Variants in ZDHHC15 observed in about 807,000 individuals in gnomAD.
ZDHHC15 encodes palmitoyltransferase ZDHHC15.
A neutral mutation model predicts 31.7 loss-of-function variants in ZDHHC15; 19 were observed. That is an observed-to-expected ratio of 0.60 (90% CI 0.42 to 0.88). The LOEUF (loss-of-function observed/expected upper bound fraction) is 0.88, where lower values mean the gene tolerates loss of function less well. Among genes scored for constraint, ZDHHC15 ranks in the 40% least tolerant of loss-of-function variants. The probability of loss-of-function intolerance (pLI) is 0.00; values close to 1 mark genes in which losing one functional copy is unlikely to be tolerated. For missense variants in ZDHHC15, 209 were observed against 251.2 expected (o/e 0.83, Z 1.14); for synonymous variants, 103 against 90.0 (o/e 1.14, Z -0.82).
intron 3 of ZDHHC15, 140 bp from the exon 4 acceptor site, chrX:75,451,062 C>G (rs1348136371): frequency 1.4e-6 from 1 of 700,847 alleles, no homozygotes; most frequent in East Asian, 3.7e-5. Context: ...ATAATGTTCT[C>G]TGGATAATTA....
intron 1 of ZDHHC15, among the ~76,000 whole-genome samples, chrX:75,515,119 G>C (rs1468676297): frequency 9.0e-6 from 1 of 111,025 alleles, no homozygotes; most frequent in Non-Finnish European, 1.9e-5. Context: ...GGACCAGATG[G>C]ATTCATACCC....
At chrX:75,516,193 C>T (rs1325400156) in intron 1 of ZDHHC15, among the ~76,000 whole-genome samples, 5 of 111,794 alleles carry the variant, frequency 4.5e-5, no homozygotes, top group Non-Finnish European at 7.5e-5. Context: ...CCATCCCCAT[C>T]GAGCTACCAA....
At chrX:75,406,988 A>G (rs1264304668) in intron 10 of ZDHHC15, among the ~76,000 whole-genome samples, 1 of 112,377 alleles carries the variant, frequency 8.9e-6, no homozygotes, top group African/African-American at 3.2e-5. Context: ...GTCAGTGCTC[A>G]ATGTTGCCCA....
At chrX:75,391,485 A>G (rs1306123900) in intron 10 of ZDHHC15, among the ~76,000 whole-genome samples, 1 of 112,044 alleles carries the variant, frequency 8.9e-6, no homozygotes, top group Non-Finnish European at 1.9e-5. Context: ...GAAACAACAT[A>G]CAATGGCACT....
At chrX:75,404,718 C>A (rs2083392794) in intron 10 of ZDHHC15, among the ~76,000 whole-genome samples, 3 of 111,509 alleles carry the variant, frequency 2.7e-5, no homozygotes, top group Non-Finnish European at 3.8e-5. Flanking sequence ...ATAATAAAGT[C>A]AAAAAATAAC....
intron 1 of ZDHHC15, among the ~76,000 whole-genome samples, chrX:75,519,464 G>A (rs753596327): frequency 2.7e-4 from 30 of 111,540 alleles, no homozygotes; most frequent in Non-Finnish European, 5.3e-4. Context: ...TAGAAGCAAG[G>A]TACATGTGAG....
At chrX:75,403,242 A>G (rs1489117021) in intron 10 of ZDHHC15, among the ~76,000 whole-genome samples, 2 of 111,917 alleles carry the variant, frequency 1.8e-5, no homozygotes, top group Non-Finnish European at 1.9e-5. Context: ...AAATAATAAG[A>G]GCCATCTATG....
chrX:75,422,091 G>A (rs1466002183), intron 8 of ZDHHC15, 101 bp from the exon 9 acceptor site: 1 of 999,419 alleles, frequency 1.0e-6, no homozygotes, highest in Non-Finnish European at 1.3e-6. Context: ...ATGTGACTTG[G>A]TTCTATTATA....
intron 10 of ZDHHC15, among the ~76,000 whole-genome samples, chrX:75,411,074 C>T (rs2083479886): frequency 9.0e-6 from 1 of 111,635 alleles, no homozygotes; most frequent in Non-Finnish European, 1.9e-5. Context: ...TGGTTGTTAC[C>T]AGAGGCCAGG....
intron 1 of ZDHHC15, among the ~76,000 whole-genome samples, chrX:75,507,003 C>T (rs1243888287): frequency 9.0e-6 from 1 of 110,890 alleles, no homozygotes; most frequent in Non-Finnish European, 1.9e-5. Flanking sequence ...GATAGTGAGA[C>T]GAGACGTGTA....
chrX:75,368,749 C>T lies in ZDHHC15; in HGVS notation c.*4229G>A, dbSNP rs1299211899. ...AATTTTTTTTTCCTTTAATGCCATT[C>T]CCTACTAACAATCTATTTCCTGGTA... On this transcript the variant is annotated 3_prime_UTR_variant, in exon 12 of 12. Transcript: ENST00000373367. The T allele has an allele frequency of 9.0e-6, 1 of 111,086 alleles. No individual in the cohort carries two copies. Among genetic ancestry groups the T allele is most frequent in the African/African-American group, 3.3e-5 (1 of 30,541 alleles). 9.2% of individuals were successfully genotyped at this position (111,086 alleles called of 1,213,427 possible). A position where few individuals can be genotyped will look rare whatever the true frequency, so the allele number is the denominator to read the frequency against.
chrX:75,378,543 C>T (rs1482285887), intron 11 of ZDHHC15, among the ~76,000 whole-genome samples: 2 of 111,798 alleles, frequency 1.8e-5, no homozygotes, highest in Admixed American at 9.5e-5. Context: ...TACTAACATT[C>T]TTTTAATATT....
At chrX:75,439,704 T>C (rs1161342480) in intron 4 of ZDHHC15, among the ~76,000 whole-genome samples, 1 of 112,213 alleles carries the variant, frequency 8.9e-6, no homozygotes, top group Non-Finnish European at 1.9e-5. Flanking sequence ...CCATTGCTTG[T>C]GACCTAATGT....
Position 75,369,718 on chromosome X carries a change from C to T in ZDHHC15, c.*3260G>A, listed in dbSNP as rs958571461. 4 of 111,793 alleles carry T rather than the reference C, an allele frequency of 3.6e-5. No individual in the cohort carries two copies. Among genetic ancestry groups the T allele is most frequent in the African/African-American group, 1.3e-4 (4 of 30,737 alleles). 9.2% of individuals were successfully genotyped at this position (111,793 alleles called of 1,213,427 possible). On this transcript the variant is annotated 3_prime_UTR_variant, in exon 12 of 12. Transcript: ENST00000373367. ...AGAGGCACATATTGCATTCTTATCACATAGAAAGTAAGAGTTGTACAAATT... is the reference window on the plus strand; with the variant it reads ...AGAGGCACATATTGCATTCTTATCATATAGAAAGTAAGAGTTGTACAAATT...
intron 11 of ZDHHC15, among the ~76,000 whole-genome samples, chrX:75,378,100 A>G (rs994134238): frequency 1.1e-4 from 12 of 112,132 alleles, no homozygotes; most frequent in African/African-American, 3.6e-4. Context: ...GATAATAAAT[A>G]AAGACACATC....
At chrX:75,459,120 C>A (rs1395132377) in intron 3 of ZDHHC15, among the ~76,000 whole-genome samples, 3 of 109,864 alleles carry the variant, frequency 2.7e-5, no homozygotes, top group Non-Finnish European at 5.7e-5. Flanking sequence ...TCTGGTGATC[C>A]CATGCCACCA....
At chrX:75,400,954 C>G (rs894745176) in intron 10 of ZDHHC15, among the ~76,000 whole-genome samples, 1 of 111,514 alleles carries the variant, frequency 9.0e-6, no homozygotes, top group African/African-American at 3.3e-5. Flanking sequence ...ACCACCAGAC[C>G]TGTCTCAGAA....
intron 7 of ZDHHC15, among the ~76,000 whole-genome samples, chrX:75,428,319 TA>T (rs889133744): frequency 1.8e-5 from 2 of 112,086 alleles, no homozygotes; most frequent in East Asian, 2.8e-4. Context: ...CATATGTAAA[TA>T]AAAAAATCTG....
chrX:75,505,009 T>G (rs1305863023), intron 2 of ZDHHC15, among the ~76,000 whole-genome samples: 1 of 111,392 alleles, frequency 9.0e-6, no homozygotes, highest in Non-Finnish European at 1.9e-5. Flanking sequence ...TACTAGGAAA[T>G]AGCAGAGCCA....
Sources: gnomAD v4.1 joint callset for allele counts (sites outside exome capture counted in the v4.1 genomes callset) on GRCh38, gnomAD v4.1.1 for gene constraint, MANE v1.5 for transcripts, NCBI Gene and HGNC (gene_info 2026-07-23, HGNC 2026-07-21) for gene names.